Variants in LHFPL3 observed in about 807,000 individuals in gnomAD.
LHFPL3 encodes LHFPL tetraspan subfamily member 3 protein.
Under a neutral mutation model 19.3 loss-of-function variants are expected in LHFPL3, and 5 were observed. The observed-to-expected ratio is 0.26, with a 90% CI of 0.14 to 0.54. LHFPL3 has a LOEUF of 0.54. Among genes scored for constraint, LHFPL3 ranks in the 20% least tolerant of loss-of-function variants. The pLI, the probability that LHFPL3 is intolerant of heterozygous loss-of-function variation, is 0.94. For missense variants in LHFPL3, 249 were observed against 307.4 expected, an observed-to-expected ratio of 0.81 and a Z score of 1.42; for synonymous variants, 133 against 126.2, an observed-to-expected ratio of 1.05 and a Z score of -0.36.
Position 104,415,343 on chromosome 7 carries a change from C to T in LHFPL3, c.445+86119C>T, listed in dbSNP as rs751742901. Among the ~76,000 whole-genome samples, 15 of 152,230 alleles carry T rather than the reference C, an allele frequency of 9.9e-5. No homozygotes were observed. The East Asian group carries it at 1.3e-3, about 14-fold the overall frequency. On this transcript the variant is annotated intron_variant, in intron 1 of 2. Coordinates refer to ENST00000424859, the MANE Select transcript of LHFPL3 (RefSeq NM_199000.3). The stretch of plus-strand genomic sequence containing the variant: ...TGAATGATGCCTACTGTTTTTGATA[C>T]GTTTTCTTAATATCAAAAAGTGTTA...
intron 1 of LHFPL3, among the ~76,000 whole-genome samples, chr7:104,620,709 C>G (rs1053041637): frequency 6.6e-6 from 1 of 152,200 alleles, no homozygotes; most frequent in Non-Finnish European, 1.5e-5. Flanking sequence ...GCCCGGAACT[C>G]TCTAACTCAT....
intron 1 of LHFPL3, among the ~76,000 whole-genome samples, chr7:104,402,079 C>T (rs1420677560): frequency 6.7e-6 from 1 of 148,302 alleles, no homozygotes; most frequent in Non-Finnish European, 1.5e-5. Context: ...CAGAAATAAC[C>T]GTATAAACTA....
At chr7:104,823,816 GAA>G (rs934479679) in intron 2 of LHFPL3, among the ~76,000 whole-genome samples, 2 of 152,002 alleles carry the variant, frequency 1.3e-5, no homozygotes, top group African/African-American at 4.8e-5. Flanking sequence ...GAAAAAAAGA[GAA>G]AGAGATATGG....
At chr7:104,804,865 A>G (rs942088106) in intron 2 of LHFPL3, among the ~76,000 whole-genome samples, 1 of 152,152 alleles carries the variant, frequency 6.6e-6, no homozygotes, top group Admixed American at 6.5e-5. Flanking sequence ...GCCATGTCCA[A>G]CTCCTGACCT....
chr7:104,705,404 A>G (rs1179214281), intron 1 of LHFPL3, among the ~76,000 whole-genome samples: 4 of 152,152 alleles, frequency 2.6e-5, no homozygotes, highest in Non-Finnish European at 5.9e-5. Flanking sequence ...AGCAGCCATC[A>G]TCTTCAGTTT....
chr7:104,697,658 A>T (rs1471087532), intron 1 of LHFPL3, among the ~76,000 whole-genome samples: 1 of 152,236 alleles, frequency 6.6e-6, no homozygotes, highest in Non-Finnish European at 1.5e-5. Context: ...CAGTTGTTCC[A>T]TATTTGATAT....
intron 1 of LHFPL3, among the ~76,000 whole-genome samples, chr7:104,667,180 C>A (rs1792370960): frequency 6.6e-6 from 1 of 151,200 alleles, no homozygotes; most frequent in South Asian, 2.1e-4. Context: ...TAATAATAGC[C>A]AGCTTTTAAA....
intron 1 of LHFPL3, among the ~76,000 whole-genome samples, chr7:104,471,424 T>C (rs976682291): frequency 4.6e-4 from 70 of 152,320 alleles, no homozygotes; most frequent in African/African-American, 1.6e-3. Flanking sequence ...CTAACTATAG[T>C]TCTCATATAC....
chr7:104,781,405 G>A (rs1359093388), intron 2 of LHFPL3, among the ~76,000 whole-genome samples: 1 of 151,834 alleles, frequency 6.6e-6, no homozygotes, highest in African/African-American at 2.4e-5. Flanking sequence ...GTGGAAGAGG[G>A]GTCCCTCCTT....
At chr7:104,431,566 T>C (rs1792004094) in intron 1 of LHFPL3, among the ~76,000 whole-genome samples, 1 of 152,230 alleles carries the variant, frequency 6.6e-6, no homozygotes, top group Non-Finnish European at 1.5e-5. Context: ...TTATTTTTCA[T>C]CTTTTTAAAG....
intron 1 of LHFPL3, among the ~76,000 whole-genome samples, chr7:104,593,076 G>C (rs2385243): frequency 0.73 from 111,125 of 151,960 alleles, 41,238 homozygotes; most frequent in Non-Finnish European, 0.8. Context: ...CTTATCTTCT[G>C]CTAGCTTTTG....
intron 1 of LHFPL3, among the ~76,000 whole-genome samples, chr7:104,494,352 C>A (rs1209557107): frequency 1.3e-5 from 2 of 152,102 alleles, no homozygotes; most frequent in African/African-American, 2.4e-5. Flanking sequence ...GATATGAATT[C>A]TCTGCCTCTA....
intron 1 of LHFPL3, among the ~76,000 whole-genome samples, chr7:104,631,735 C>T (rs1791645841): frequency 6.6e-6 from 1 of 152,162 alleles, no homozygotes; most frequent in Non-Finnish European, 1.5e-5. Flanking sequence ...TCATGAACTA[C>T]AGCACTTCTG....
In LHFPL3 at chr7:104,464,275, G is replaced by A. The variant is rs534597882; in HGVS notation, c.445+135051G>A. Among the ~76,000 whole-genome samples the A allele has an allele frequency of 4.6e-5, 7 of 152,336 alleles. No homozygotes were observed. In the South Asian group the frequency reaches 1.4e-3, roughly 32 times the overall value. ...AGCTCTGCCCCTGTGTCTTTGCAGG[G>A]TACAGCCCCCTTCCTGGCTGTTTTC... is the stretch of plus-strand genomic sequence containing the variant. On this transcript the variant is annotated intron_variant, in intron 1 of 2. Coordinates refer to ENST00000424859, the MANE Select transcript of LHFPL3 (RefSeq NM_199000.3).
intron 2 of LHFPL3, among the ~76,000 whole-genome samples, chr7:104,860,319 C>A (rs1176315468): frequency 6.6e-6 from 1 of 152,112 alleles, no homozygotes; most frequent in African/African-American, 2.4e-5. Flanking sequence ...GAATAATGAA[C>A]CTTGCATGGT....
chr7:104,393,679 G>A (rs1447560525), intron 1 of LHFPL3, among the ~76,000 whole-genome samples: 1 of 152,110 alleles, frequency 6.6e-6, no homozygotes, highest in African/African-American at 2.4e-5. Flanking sequence ...CCATGCCACT[G>A]CACTCCAGCC....
At chr7:104,370,639 TTGGG>T (rs1311905962) in intron 1 of LHFPL3, among the ~76,000 whole-genome samples, 1 of 152,180 alleles carries the variant, frequency 6.6e-6, no homozygotes, top group East Asian at 1.9e-4. Flanking sequence ...TCCCAGCACT[TTGGG>T]TGGCCAATGC....
intron 2 of LHFPL3, among the ~76,000 whole-genome samples, chr7:104,878,070 G>A (rs886908132): frequency 6.6e-6 from 1 of 152,012 alleles, no homozygotes; most frequent in Non-Finnish European, 1.5e-5. Flanking sequence ...CCTGAGCTCA[G>A]GCAATTTGCC....
At chr7:104,672,924 G>C (rs1792514115) in intron 1 of LHFPL3, among the ~76,000 whole-genome samples, 1 of 151,734 alleles carries the variant, frequency 6.6e-6, no homozygotes, top group Non-Finnish European at 1.5e-5. Context: ...AATCACTAAA[G>C]GAAAAATATG....
Sources: gnomAD v4.1 joint callset for allele counts (sites outside exome capture counted in the v4.1 genomes callset) on GRCh38, gnomAD v4.1.1 for gene constraint, MANE v1.5 for transcripts, NCBI Gene and HGNC (gene_info 2026-07-23, HGNC 2026-07-21) for gene names.